The following PSG5 variants were observed in gnomAD, a reference collection of about 807,000 sequenced individuals.
PSG5 encodes the protein pregnancy-specific beta-1-glycoprotein 5.
In PSG5, 53 loss-of-function variants were observed where a neutral mutation model predicts 37.7. That is an observed-to-expected ratio of 1.41 (90% confidence interval 1.13 to 1.77). The LOEUF (loss-of-function observed/expected upper bound fraction) is 1.77. PSG5 is among the 40% of genes most tolerant of loss of function. The pLI is 0.00. For missense variants in PSG5, 547 were observed against 405.2 expected (o/e 1.35, Z -3.00); for synonymous variants, 221 against 155.4 (o/e 1.42, Z -3.14).
At chr19:43,180,968 A>T (rs560306000) in intron 2 of PSG5, among the ~76,000 whole-genome samples, 1 of 151,850 alleles carries the variant, frequency 6.6e-6, no homozygotes, top group Non-Finnish European at 1.5e-5. Flanking sequence ...GAGGACCCCA[A>T]AACAGGTATG....
chr19:43,168,861 T>G (rs569539170), intron 5 of PSG5, among the ~76,000 whole-genome samples: 10 of 151,694 alleles, frequency 6.6e-5, no homozygotes, highest in African/African-American at 1.5e-4. Flanking sequence ...GGGCCAAAAA[T>G]GTATAGTCTT....
rs774146501 is a variant in PSG5, at chr19:43,184,900, A to G, written c.312T>C (p.Asn104=). Reference sequence around the variant, plus strand: ...TGACATTCTGGATCAGCAGGGATGCATTGGAATATACTGTTTCTCGTCCAG... The same window carrying G: ...TGACATTCTGGATCAGCAGGGATGCGTTGGAATATACTGTTTCTCGTCCAG... ...AYTGRETVYS[N]ASLLIQNVTR... Residue 104 remains asparagine (N), a synonymous_variant, in exon 2 of 6, where the codon AAT becomes AAC. Coordinates refer to ENST00000342951, the MANE Select transcript of PSG5 (RefSeq NM_002781.4). 8.7e-6 allele frequency: 14 copies of G among 1,612,566 alleles called. No homozygotes were observed. Among genetic ancestry groups the G allele is most frequent in the East Asian group, 2.2e-5 (1 of 44,862 alleles).
intron 2 of PSG5, among the ~76,000 whole-genome samples, chr19:43,180,815 C>T (rs1232542593): frequency 6.6e-6 from 1 of 151,242 alleles, no homozygotes; most frequent in African/African-American, 2.4e-5. Context: ...TAGAGAGTCC[C>T]GTTAAAAGGA....
chr19:43,179,007 T>C, intron 2 of PSG5: 1 of 1,612,766 alleles, frequency 6.2e-7, no homozygotes, highest in East Asian at 2.2e-5. Context: ...TTTGGACAGC[T>C]GCAACCTGTG....
chr19:43,185,328 TG>T (rs1014361067), intron 1 of PSG5, among the ~76,000 whole-genome samples, 181 bp from the exon 2 acceptor site: 1 of 151,122 alleles, frequency 6.6e-6, no homozygotes, highest in African/African-American at 2.4e-5. Flanking sequence ...TGTGTCCTAC[TG>T]TCCTACTAGG....
chr19:43,178,780 G>A, intron 2 of PSG5: 4 of 1,607,934 alleles, frequency 2.5e-6, no homozygotes, highest in Non-Finnish European at 3.4e-6. Context: ...AGGGGTAAAG[G>A]TCTCTGTACT....
rs769959538 is a variant in PSG5, at chr19:43,186,346, G to C, written c.60C>G (p.Leu20=). 5.0e-6 allele frequency: 8 copies of C among 1,612,006 alleles called. No homozygotes were observed. In the South Asian group the frequency reaches 8.8e-5, roughly 18 times the overall value. The change falls in exon 1 of 6, where the codon CTC becomes CTG. Residue 20 remains leucine, a synonymous_variant. Transcript: ENST00000342951. ...TQHITWKGLL[L]TASLLNFWNL... ...CCCAGGAAGTTCTCTCCTCACCTGT[G>C]AGCAGGAGCCCCTTCCAGGTGATGT...
At chr19:43,176,911 A>G (rs1157592676) in intron 2 of PSG5, among the ~76,000 whole-genome samples, 1 of 151,424 alleles carries the variant, frequency 6.6e-6, no homozygotes, top group African/African-American at 2.4e-5. Context: ...CTCCTTCTGC[A>G]GAGGGCAGGT....
At chr19:43,172,466 C>T (rs1968926298) in intron 4 of PSG5, among the ~76,000 whole-genome samples, 2 of 151,642 alleles carry the variant, frequency 1.3e-5, no homozygotes, top group East Asian at 3.9e-4. Context: ...TTACAGATAA[C>T]TTGAACTTAT....
At chr19:43,180,517 T>G (rs1969106033) in intron 2 of PSG5, 1 of 151,568 alleles carries the variant, frequency 6.6e-6, no homozygotes, top group African/African-American at 2.4e-5. Context: ...GATTTCTGGA[T>G]TTCCGATGCT....
intron 4 of PSG5, chr19:43,170,470 A>AG (rs1226670187): frequency 1.1e-5 from 5 of 446,450 alleles, no homozygotes; most frequent in African/African-American, 1.0e-4. Flanking sequence ...TCTTTTTCTC[A>AG]GTCTCTCTGT....
chr19:43,177,991 G>C (rs1204779725), intron 2 of PSG5, among the ~76,000 whole-genome samples: 2 of 151,552 alleles, frequency 1.3e-5, no homozygotes, highest in Non-Finnish European at 2.9e-5. Flanking sequence ...AACGTGAATT[G>C]AAATTCTTTT....
chr19:43,176,935 A>C (rs1246860923), intron 2 of PSG5, among the ~76,000 whole-genome samples: 3 of 151,562 alleles, frequency 2.0e-5, no homozygotes, highest in Non-Finnish European at 4.4e-5. Context: ...GACCATGTGG[A>C]TCTTTCCAGA....
intron 1 of PSG5, among the ~76,000 whole-genome samples, 171 bp downstream of exon 1, chr19:43,186,171 C>G (rs1243189246): frequency 1.3e-5 from 2 of 151,136 alleles, no homozygotes; most frequent in Admixed American, 1.3e-4. Context: ...AGAGACAGGG[C>G]TTCACTGTGT....
chr19:43,171,040 G>C (rs1264402183), intron 4 of PSG5: 10 of 151,480 alleles, frequency 6.6e-5, no homozygotes, highest in Non-Finnish European at 1.5e-5. Flanking sequence ...CTATGTGCCA[G>C]GCCCTGTGCT....
chr19:43,172,584 A>C (rs1254918603), intron 4 of PSG5, among the ~76,000 whole-genome samples: 2 of 151,756 alleles, frequency 1.3e-5, no homozygotes, highest in Non-Finnish European at 2.9e-5. Flanking sequence ...CAATACACTA[A>C]ACATGAACAA....
At position 43,184,871 on chromosome 19, in the gene PSG5, C is replaced by T. The variant is rs371676987; in HGVS notation, c.341G>A (p.Arg114Gln). ...NASLLIQNVTREDAGSYTLHI... is the reference protein window; with the variant it reads ...NASLLIQNVTQEDAGSYTLHI... ...TAAGGTGTAGGATCCTGCGTCTTCC[C>T]GGGTGACATTCTGGATCAGCAGGGA... Residue 114 changes from arginine (R) to glutamine (Q), a missense_variant, in exon 2 of 6, where the codon CGG (arginine) becomes CAG (glutamine). Physicochemically the swap from Arg to Gln is conservative, Grantham distance 43. Coordinates refer to ENST00000342951, the MANE Select transcript of PSG5 (RefSeq NM_002781.4). 118 of 1,612,378 alleles carry T rather than the reference C, an allele frequency of 7.3e-5. 2 individuals carry two copies. Among genetic ancestry groups the T allele is most frequent in the Middle Eastern group, 1.6e-4 (1 of 6,074 alleles).
At chr19:43,185,203 G>C in intron 1 of PSG5, 56 bp from the exon 2 acceptor site, 1 of 1,526,478 alleles carries the variant, frequency 6.6e-7, no homozygotes. Flanking sequence ...GGGGTGAAAA[G>C]ATGGAGCCCT....
intron 4 of PSG5, 181 bp from the exon 5 acceptor site, chr19:43,170,319 A>T (rs149569511): frequency 1.4e-6 from 1 of 707,888 alleles, no homozygotes; most frequent in Admixed American, 3.4e-5. Flanking sequence ...CCCTCTCACC[A>T]TGTTTCTAGG....
Sources: allele counts gnomAD v4.1 joint callset (sites outside exome capture counted in the v4.1 genomes callset), GRCh38; gene constraint gnomAD v4.1.1; transcripts MANE v1.5; gene names NCBI Gene and HGNC (gene_info 2026-07-23, HGNC 2026-07-21).